SPATA16: variants seen among roughly 807,000 people sequenced by gnomAD.
SPATA16 encodes spermatogenesis-associated protein 16.
A neutral mutation model predicts 63.3 loss-of-function variants in SPATA16; 36 were observed. The ratio of observed to expected loss-of-function variants is 0.57; its 90% CI spans 0.44 to 0.75. The LOEUF (loss-of-function observed/expected upper bound fraction) is 0.75. SPATA16 is among the 30% of genes least tolerant of loss of function. The pLI is 0.00. For missense variants in SPATA16, 646 were observed against 679.3 expected (o/e 0.95, Z 0.54); for synonymous variants, 203 against 216.7 (o/e 0.94, Z 0.56).
intron 5 of SPATA16, among the ~76,000 whole-genome samples, chr3:172,976,122 T>C (rs1325329434): frequency 2.6e-5 from 4 of 152,096 alleles, no homozygotes; most frequent in Non-Finnish European, 5.9e-5. Flanking sequence ...AAGTTGGCTT[T>C]TGTAGTTGAT....
intron 3 of SPATA16, among the ~76,000 whole-genome samples, chr3:173,020,843 A>AT (rs1243083494): frequency 1.3e-5 from 2 of 152,210 alleles, no homozygotes; most frequent in Admixed American, 1.3e-4. Context: ...ATTAAGCAAC[A>AT]TTTTGTGAGC....
chr3:173,132,704 G>A (rs568071996), intron 1 of SPATA16, among the ~76,000 whole-genome samples: 144 of 152,114 alleles, frequency 9.5e-4, no homozygotes, highest in Middle Eastern at 3.4e-3. Context: ...AGAAGCTGGG[G>A]AATATAAAAT....
At position 172,956,782 on chromosome 3, in the gene SPATA16, C is replaced by G; in HGVS notation, c.976G>C (p.Val326Leu). The G allele has an allele frequency of 6.2e-7, 1 of 1,613,282 alleles. No homozygotes were observed. The highest frequency in any genetic ancestry group is 2.2e-5 in the East Asian group (1 of 44,800). Reference sequence around the variant, plus strand: ...TTTGTCGCAAATGGTGTGTACATAACCGAGAAAGATTCAGCTCTGGTGATG... The same window carrying G: ...TTTGTCGCAAATGGTGTGTACATAAGCGAGAAAGATTCAGCTCTGGTGATG... Reference protein sequence around the residue: ...EAITRAESFSVMYTPFATKIR... With the variant: ...EAITRAESFSLMYTPFATKIR... Residue 326 changes from valine to leucine, a missense_variant, in exon 6 of 11, where the codon GTT (valine) becomes CTT (leucine). Coordinates refer to ENST00000351008, the MANE Select transcript of SPATA16 (RefSeq NM_031955.6).
chr3:173,030,664 A>G lies in SPATA16; in HGVS notation c.759-11089T>C, dbSNP rs1459892646. ...TGATGCACCCACTATAGAACAAAGT[A>G]TGGAAGTTCCTCAAAAAGTTAAAAA... On this transcript the variant is annotated intron_variant, in intron 3 of 10. Transcript: ENST00000351008. Among the ~76,000 whole-genome samples the G allele has an allele frequency of 3.3e-5, 5 of 152,172 alleles. No individual in the cohort carries two copies. In the East Asian group the frequency reaches 7.7e-4, roughly 23 times the overall value.
At chr3:173,098,463 C>T (rs1737413112) in intron 2 of SPATA16, among the ~76,000 whole-genome samples, 1 of 152,098 alleles carries the variant, frequency 6.6e-6, no homozygotes, top group Non-Finnish European at 1.5e-5. Flanking sequence ...TAAGTTAAAA[C>T]CAGAAATCAT....
intron 3 of SPATA16, among the ~76,000 whole-genome samples, chr3:173,046,183 TA>T (rs1735952065): frequency 1.3e-5 from 2 of 152,222 alleles, no homozygotes; most frequent in South Asian, 4.1e-4. Context: ...AACCTTCTGA[TA>T]AACAGTGGCA....
At chr3:172,939,138 C>T (rs1445884979) in intron 6 of SPATA16, among the ~76,000 whole-genome samples, 1 of 152,132 alleles carries the variant, frequency 6.6e-6, no homozygotes, top group Non-Finnish European at 1.5e-5. Flanking sequence ...TATGATTTTG[C>T]TTATAACTTC....
chr3:172,960,223 A>C (rs1334740515), intron 5 of SPATA16, among the ~76,000 whole-genome samples: 1 of 152,232 alleles, frequency 6.6e-6, no homozygotes, highest in African/African-American at 2.4e-5. Context: ...TTCAAATGAT[A>C]CTTCTTAATT....
chr3:173,021,162 G>C (rs959533278), intron 3 of SPATA16, among the ~76,000 whole-genome samples: 5 of 152,202 alleles, frequency 3.3e-5, no homozygotes, highest in Non-Finnish European at 4.4e-5. Flanking sequence ...AGAATCGTAT[G>C]ATGATGAGAT....
At position 173,021,276 on chromosome 3, in the gene SPATA16, A is replaced by G. The variant is rs1190531061; in HGVS notation, c.759-1701T>C. Among the ~76,000 whole-genome samples the G allele has an allele frequency of 3.3e-5, 5 of 152,178 alleles. No homozygotes were observed. In the East Asian group the frequency reaches 7.7e-4, roughly 23 times the overall value. On this transcript the variant is annotated intron_variant, in intron 3 of 10. Transcript: ENST00000351008. ...CATAACTAGTTAAAGAGCTGTCTAA[A>G]GTTTTTTGGTTCTCCATGTCTAGCC...
At chr3:173,064,923 C>A (rs1320492302) in intron 2 of SPATA16, among the ~76,000 whole-genome samples, 2 of 152,098 alleles carry the variant, frequency 1.3e-5, no homozygotes, top group Non-Finnish European at 2.9e-5. Context: ...CTAAGAATTT[C>A]TTTTCTAAAT....
intron 2 of SPATA16, among the ~76,000 whole-genome samples, chr3:173,063,058 A>G (rs567009795): frequency 6.6e-6 from 1 of 152,226 alleles, no homozygotes; most frequent in Admixed American, 6.5e-5. Flanking sequence ...ACAAATGTGA[A>G]TTCCAACAGC....
chr3:173,059,579 C>A (rs1381957779), intron 2 of SPATA16, among the ~76,000 whole-genome samples: 1 of 151,762 alleles, frequency 6.6e-6, no homozygotes, highest in Admixed American at 6.6e-5. Context: ...AAAGTTTGGG[C>A]TATTATTTTT....
chr3:172,996,525 T>C (rs910377758), intron 4 of SPATA16, among the ~76,000 whole-genome samples: 1 of 152,074 alleles, frequency 6.6e-6, no homozygotes. Flanking sequence ...CAAAGCAAAA[T>C]TGAGTGGAAA....
intron 2 of SPATA16, among the ~76,000 whole-genome samples, chr3:173,110,785 C>T (rs977763978): frequency 1.3e-5 from 2 of 152,174 alleles, no homozygotes; most frequent in African/African-American, 4.8e-5. Context: ...TGGAGCCCTG[C>T]GGCCACTTAC....
intron 2 of SPATA16, among the ~76,000 whole-genome samples, chr3:173,070,810 G>T (rs1029340642): frequency 6.6e-6 from 1 of 152,270 alleles, no homozygotes; most frequent in East Asian, 1.9e-4. Context: ...AGAAATTGAA[G>T]AGGACACAAA....
chr3:173,065,327 C>T (rs1736491586), intron 2 of SPATA16, among the ~76,000 whole-genome samples: 1 of 151,868 alleles, frequency 6.6e-6, no homozygotes, highest in South Asian at 2.1e-4. Context: ...GAAATGCTCT[C>T]TTAAGGCAAC....
At chr3:173,104,199 A>C (rs1489333818) in intron 2 of SPATA16, among the ~76,000 whole-genome samples, 1 of 152,128 alleles carries the variant, frequency 6.6e-6, no homozygotes, top group Non-Finnish European at 1.5e-5. Flanking sequence ...CAATTATTTA[A>C]CCAGTTTCTA....
intron 10 of SPATA16, among the ~76,000 whole-genome samples, chr3:172,912,103 C>CT (rs1352724522): frequency 6.6e-6 from 1 of 152,150 alleles, no homozygotes; most frequent in Non-Finnish European, 1.5e-5. Flanking sequence ...ATGTGCCATG[C>CT]TTTTTTAAAA....
Sources: allele counts gnomAD v4.1 joint callset (sites outside exome capture counted in the v4.1 genomes callset), GRCh38; gene constraint gnomAD v4.1.1; transcripts MANE v1.5; gene names NCBI Gene and HGNC (gene_info 2026-07-23, HGNC 2026-07-21).